Variants in THSD4 observed in about 807,000 individuals in gnomAD.
THSD4 encodes the protein thrombospondin type-1 domain-containing protein 4.
THSD4 carries 69 observed loss-of-function variants against 119.0 expected under a neutral mutation model. The ratio of observed to expected loss-of-function variants is 0.58; its 90% CI spans 0.48 to 0.71. The LOEUF (loss-of-function observed/expected upper bound fraction) is 0.71, where lower values mean the gene tolerates loss of function less well. THSD4 is among the 30% of genes least tolerant of loss of function. The pLI is 0.00. For missense variants in THSD4, 1,393 were observed against 1,391.1 expected (o/e 1.00, Z -0.02); for synonymous variants, 524 against 540.4 (o/e 0.97, Z 0.42).
chr15:71,259,292 A>G (rs1259271403), intron 6 of THSD4, among the ~76,000 whole-genome samples: 2 of 151,956 alleles, frequency 1.3e-5, no homozygotes, highest in African/African-American at 4.8e-5. Context: ...TAGAGCCTTC[A>G]AAGTGGGCGT....
intron 6 of THSD4, among the ~76,000 whole-genome samples, chr15:71,359,951 C>G (rs959313839): frequency 6.6e-6 from 1 of 152,204 alleles, no homozygotes; most frequent in Non-Finnish European, 1.5e-5. Context: ...TTTTAGCTGT[C>G]TATTGCTGTA....
chr15:71,777,418 G>A lies in THSD4; in HGVS notation c.*44G>A, dbSNP rs375096591. On this transcript the variant is annotated 3_prime_UTR_variant, in exon 18 of 18. Coordinates refer to ENST00000261862, the MANE Select transcript of THSD4 (RefSeq NM_024817.3). ...AGTAGGGCAGCATCACTGCCTTCCC[G>A]GGGGCTTCAGCAGTGCGCCTGGCTG... 164 of 1,583,312 alleles carry A rather than the reference G, an allele frequency of 1.0e-4. No homozygotes were observed. Among genetic ancestry groups the A allele is most frequent in the Middle Eastern group, 2.0e-4 (1 of 5,094 alleles).
rs549581621 is a variant in THSD4 at position 71,480,271 on chromosome 15, C to G, written c.1152+68448C>G. Among the ~76,000 whole-genome samples, 3 of 152,290 alleles carry G rather than the reference C, an allele frequency of 2.0e-5. No individual in the cohort carries two copies. In the South Asian group the frequency reaches 6.2e-4, roughly 32 times the overall value. ...CACGTTGGTCTCGAACTCCTGAGCT[C>G]AAGCGATCTACTCACCTTGGCCTCC... On this transcript the variant is annotated intron_variant, in intron 7 of 17. Coordinates refer to ENST00000261862, the MANE Select transcript of THSD4 (RefSeq NM_024817.3).
At chr15:71,478,529 C>A (rs1437790444) in intron 7 of THSD4, among the ~76,000 whole-genome samples, 1 of 152,072 alleles carries the variant, frequency 6.6e-6, no homozygotes, top group Non-Finnish European at 1.5e-5. Context: ...TGAACAAAAT[C>A]AAAGTCACAA....
At chr15:71,558,633 T>A (rs2049061403) in intron 7 of THSD4, among the ~76,000 whole-genome samples, 1 of 152,132 alleles carries the variant, frequency 6.6e-6, no homozygotes, top group Admixed American at 6.5e-5. Context: ...CACATCTGGC[T>A]AATTTTTTAA....
chr15:71,517,768 G>T (rs752420410), intron 7 of THSD4, among the ~76,000 whole-genome samples: 1 of 152,138 alleles, frequency 6.6e-6, no homozygotes, highest in Non-Finnish European at 1.5e-5. Context: ...GAGAATTTTT[G>T]ACCATGCTTC....
At chr15:71,522,330 C>T (rs2048453958) in intron 7 of THSD4, among the ~76,000 whole-genome samples, 1 of 152,102 alleles carries the variant, frequency 6.6e-6, no homozygotes, top group South Asian at 2.1e-4. Context: ...GATTAGCCAA[C>T]ATATTTTACT....
chr15:71,764,509 G>A (rs2053681938), intron 15 of THSD4, among the ~76,000 whole-genome samples: 1 of 152,270 alleles, frequency 6.6e-6, no homozygotes, highest in Non-Finnish European at 1.5e-5. Context: ...GAAGGGGAGG[G>A]TTGACCATAG....
intron 7 of THSD4, among the ~76,000 whole-genome samples, chr15:71,566,879 C>T (rs552234772): frequency 6.6e-6 from 1 of 152,076 alleles, no homozygotes; most frequent in Admixed American, 6.6e-5. Flanking sequence ...CTTTGAAAAA[C>T]ACATCAGCAG....
chr15:71,616,475 G>A (rs1353053102), intron 7 of THSD4, among the ~76,000 whole-genome samples: 1 of 152,146 alleles, frequency 6.6e-6, no homozygotes, highest in Non-Finnish European at 1.5e-5. Flanking sequence ...ATCCAAAGAG[G>A]ACAATTGAGA....
chr15:71,264,443 C>T (rs1037417920), intron 6 of THSD4, among the ~76,000 whole-genome samples: 22 of 152,170 alleles, frequency 1.4e-4, no homozygotes, highest in African/African-American at 2.4e-5. Flanking sequence ...GCCATGTTTG[C>T]TTTGGGGATG....
At chr15:71,543,749 C>G (rs779767099) in intron 7 of THSD4, among the ~76,000 whole-genome samples, 1 of 152,192 alleles carries the variant, frequency 6.6e-6, no homozygotes, top group Middle Eastern at 3.4e-3. Flanking sequence ...AGATGTGGGC[C>G]GGGTGTGGTG....
At chr15:71,746,517 C>A (rs1284789993) in intron 12 of THSD4, among the ~76,000 whole-genome samples, 1 of 152,200 alleles carries the variant, frequency 6.6e-6, no homozygotes. Context: ...ACCTCAGCCT[C>A]CCGAGTAGCT....
chr15:71,368,858 C>G (rs538129770), intron 6 of THSD4, among the ~76,000 whole-genome samples: 2 of 152,310 alleles, frequency 1.3e-5, no homozygotes, highest in East Asian at 3.9e-4. Flanking sequence ...GGCACTGAGT[C>G]TATAAATTAC....
At chr15:71,341,161 C>T (rs1245850608) in intron 6 of THSD4, 18 of 1,369,484 alleles carry the variant, frequency 1.3e-5, no homozygotes, top group Non-Finnish European at 1.6e-5. Context: ...GCTGAATTTA[C>T]TCCCGTGCCA....
intron 1 of THSD4, among the ~76,000 whole-genome samples, chr15:71,116,645 T>C (rs569547998): frequency 2.9e-4 from 44 of 152,320 alleles, no homozygotes; most frequent in African/African-American, 8.4e-4. Context: ...GTAGCAATCA[T>C]TGGATGCCTG....
chr15:71,563,651 G>A (rs1003564488), intron 7 of THSD4, among the ~76,000 whole-genome samples: 1 of 152,102 alleles, frequency 6.6e-6, no homozygotes, highest in Non-Finnish European at 1.5e-5. Flanking sequence ...CTTTTTATTG[G>A]GTCCAAATAA....
chr15:71,767,544 C>G (rs1435208903), intron 16 of THSD4: 1 of 152,008 alleles, frequency 6.6e-6, no homozygotes, highest in East Asian at 1.9e-4. Flanking sequence ...TTCTGTTAGC[C>G]CCAATATCCT....
chr15:71,696,451 C>T (rs148014709), intron 8 of THSD4, among the ~76,000 whole-genome samples: 1 of 152,296 alleles, frequency 6.6e-6, no homozygotes, highest in East Asian at 1.9e-4. Flanking sequence ...GGGATCCACC[C>T]CCAATGACCC....
Sources: allele counts gnomAD v4.1 joint callset (sites outside exome capture counted in the v4.1 genomes callset), GRCh38; gene constraint gnomAD v4.1.1; transcripts MANE v1.5; gene names NCBI Gene and HGNC (gene_info 2026-07-23, HGNC 2026-07-21).